Variants in FCRL5 observed in about 807,000 individuals in gnomAD.
FCRL5 encodes Fc receptor-like protein 5.
Under a neutral mutation model 92.1 loss-of-function variants are expected in FCRL5, and 79 were observed. The ratio of observed to expected loss-of-function variants is 0.86; its 90% CI spans 0.72 to 1.03. The LOEUF is 1.03. Ranked by LOEUF, FCRL5 falls within the 50% of genes least tolerant of loss-of-function variation. The pLI, the probability that FCRL5 is intolerant of heterozygous loss-of-function variation, is 0.00. For missense variants in FCRL5, 1,160 were observed against 1,181.1 expected (o/e 0.98, Z 0.26); for synonymous variants, 466 against 469.3 (o/e 0.99, Z 0.09).
intron 7 of FCRL5, 70 bp downstream of exon 7, chr1:157,539,016 A>C: frequency 6.6e-7 from 1 of 1,517,562 alleles, no homozygotes; most frequent in South Asian, 1.2e-5. Context: ...GTACACGCTG[A>C]CTTCTGAAGG....
At chr1:157,529,174 A>T (rs1650573777) in intron 8 of FCRL5, among the ~76,000 whole-genome samples, 1 of 152,212 alleles carries the variant, frequency 6.6e-6, no homozygotes, top group Admixed American at 6.5e-5. Flanking sequence ...TCAAAAGAAG[A>T]TACACAAATT....
In FCRL5 at chr1:157,524,581, A is replaced by G. The variant is rs1292668264; in HGVS notation, c.1961-24T>C. 1.9e-6 allele frequency: 3 copies of G among 1,549,190 alleles called. No individual in the cohort carries two copies. In the South Asian group the frequency reaches 3.7e-5, roughly 19 times the overall value. On this transcript the variant is annotated intron_variant, in intron 9 of 16. Transcript: ENST00000361835. Reference sequence around the variant, plus strand: ...AACTGAGGGAGGAAAAACGTTATGTATCAGCTGCTTCTGCTAAAATATATT... The same window carrying G: ...AACTGAGGGAGGAAAAACGTTATGTGTCAGCTGCTTCTGCTAAAATATATT...
intron 8 of FCRL5, among the ~76,000 whole-genome samples, chr1:157,531,413 T>C (rs1233107996): frequency 6.6e-6 from 1 of 152,166 alleles, no homozygotes; most frequent in Non-Finnish European, 1.5e-5. Flanking sequence ...AGCATGGAAG[T>C]TTCTCAATAA....
At chr1:157,546,858 G>A in intron 3 of FCRL5, 85 bp downstream of exon 3, 1 of 1,502,432 alleles carries the variant, frequency 6.7e-7, no homozygotes, top group Non-Finnish European at 9.0e-7. Context: ...CTCATGAAGG[G>A]TCTGAGGTAA....
intron 10 of FCRL5, chr1:157,522,470 CTT>C (rs1366627052): frequency 6.6e-5 from 10 of 152,226 alleles, no homozygotes; most frequent in Admixed American, 6.5e-4. Context: ...ACCTCAGTCT[CTT>C]TTCCGCAAAT....
At chr1:157,518,285 C>T in intron 15 of FCRL5, 144 bp downstream of exon 15, 1 of 672,952 alleles carries the variant, frequency 1.5e-6, no homozygotes, top group Non-Finnish European at 2.6e-6. Flanking sequence ...CCTGAAGCAG[C>T]ATAGGCACAC....
At position 157,515,352 on chromosome 1, in the gene FCRL5, C is replaced by A; in HGVS notation, c.*323G>T. ...CTCCCTTTGTGTGGTAAGACCCCCT[C>A]TGTGGGGGTGTGATGAGAGCAGTAC... On this transcript the variant is annotated 3_prime_UTR_variant, in exon 17 of 17. Coordinates refer to ENST00000361835, the MANE Select transcript of FCRL5 (RefSeq NM_031281.3). 2.9e-6 allele frequency: 1 copy of A among 350,392 alleles called. No homozygotes were observed. Among genetic ancestry groups the A allele is most frequent in the Non-Finnish European group, 5.4e-6 (1 of 186,374 alleles). The allele number at this position is 350,392 out of a possible 1,614,324, so 21.7% of individuals were successfully genotyped here.
At chr1:157,550,631 T>C (rs1311717450) in intron 1 of FCRL5, among the ~76,000 whole-genome samples, 1 of 152,204 alleles carries the variant, frequency 6.6e-6, no homozygotes, top group African/African-American at 2.4e-5. Flanking sequence ...ACCTAGGACT[T>C]TCCTTATGTT....
Position 157,534,767 on chromosome 1 carries a change from C to A in FCRL5, c.1528G>T (p.Glu510Ter), listed in dbSNP as rs201978439. 4 of 1,613,912 alleles carry A rather than the reference C, an allele frequency of 2.5e-6. No individual in the cohort carries two copies. In the African/African-American group the frequency reaches 5.3e-5, roughly 22 times the overall value. The change falls in exon 8 of 17, where the codon GAG becomes TAG. Residue 510 changes from glutamate to a stop codon, truncating the protein, a stop_gained. Coordinates refer to ENST00000361835, the MANE Select transcript of FCRL5 (RefSeq NM_031281.3). LOFTEE classifies it high-confidence loss of function. ...GAGCTGCTCCACAGGGGCATGTCCT[C>A]ATGATAAAACTGGTATAGGATTTGT... ...SPQILYQFYHEDMPLWSSSTP... is the reference protein window; with the variant it reads ...SPQILYQFYH
At position 157,551,623 on chromosome 1, in the gene FCRL5, A is replaced by G. The variant is rs551883960; in HGVS notation, c.31+709T>C. On this transcript the variant is annotated intron_variant, in intron 1 of 16. Coordinates refer to ENST00000361835, the MANE Select transcript of FCRL5 (RefSeq NM_031281.3). ...AGACGTAGTGTCTCCTATGGACTCT[A>G]ATTGCTCAGCACCTGTGCATAGATA... Among the ~76,000 whole-genome samples the G allele has an allele frequency of 3.3e-5, 5 of 152,360 alleles. No homozygotes were observed. The East Asian group carries it at 9.6e-4, about 29-fold the overall frequency.
At chr1:157,546,525 A>T (rs1409611398) in intron 3 of FCRL5, among the ~76,000 whole-genome samples, 1 of 142,676 alleles carries the variant, frequency 7.0e-6, no homozygotes, top group African/African-American at 2.5e-5. Context: ...AGATTCAGGA[A>T]CCACTCAAAT....
rs1650883715 is a variant in FCRL5, at chr1:157,534,787, A to G, written c.1508T>C (p.Ile503Thr). The change falls in exon 8 of 17, where the codon ATC (isoleucine) becomes ACC (threonine). Residue 503 changes from isoleucine to threonine, a missense_variant. Coordinates refer to ENST00000361835, the MANE Select transcript of FCRL5 (RefSeq NM_031281.3). ...GTCCTCATGATAAAACTGGTATAGG[A>G]TTTGTGGGGAACCTCTCTGGACTTC... Reference protein sequence around the residue: ...HCEVQRGSPQILYQFYHEDMP... With the variant: ...HCEVQRGSPQTLYQFYHEDMP... 3 of 1,613,588 alleles carry G rather than the reference A, an allele frequency of 1.9e-6. No individual in the cohort carries two copies. The highest frequency in any genetic ancestry group is 4.5e-5 in the East Asian group (2 of 44,882).
chr1:157,528,080 C>A (rs1650520450), intron 8 of FCRL5, 185 bp from the exon 9 acceptor site: 4 of 560,430 alleles, frequency 7.1e-6, no homozygotes, highest in Non-Finnish European at 1.1e-5. Flanking sequence ...AAAGACTCAT[C>A]CAAAAAGCTC....
At chr1:157,527,566 G>A (rs189579106) in intron 9 of FCRL5, 51 bp downstream of exon 9, 273 of 1,520,750 alleles carry the variant, frequency 1.8e-4, no homozygotes, top group Non-Finnish European at 2.3e-4. Flanking sequence ...TACTGGTAAA[G>A]TTAGGGGAGA....
intron 6 of FCRL5, among the ~76,000 whole-genome samples, chr1:157,540,385 G>A (rs1042147143): frequency 3.3e-5 from 5 of 152,124 alleles, no homozygotes; most frequent in Non-Finnish European, 5.9e-5. Context: ...GGCTATGGAG[G>A]AGCCCTCCTT....
In FCRL5 at chr1:157,549,739, AATATACATAT is replaced by A. The variant is rs1292066282; in HGVS notation, c.32-169_32-160del. On this transcript the variant is annotated intron_variant, in intron 1 of 16. Coordinates refer to ENST00000361835, the MANE Select transcript of FCRL5 (RefSeq NM_031281.3). The stretch of plus-strand genomic sequence containing the variant: ...CATCAAATGTATATATATACACATA[AATATACATAT>A]ATATACATATATATATGGCATGGTA... Among the ~76,000 whole-genome samples, 11 of 152,078 alleles carry A rather than the reference AATATACATAT, an allele frequency of 7.2e-5. No homozygotes were observed. The East Asian group carries it at 7.7e-4, about 11-fold the overall frequency.
intron 7 of FCRL5, among the ~76,000 whole-genome samples, chr1:157,536,979 T>A (rs1157483197): frequency 6.6e-6 from 1 of 152,184 alleles, no homozygotes; most frequent in Non-Finnish European, 1.5e-5. Flanking sequence ...TTCCTATGCC[T>A]GTCTTTACTT....
intron 8 of FCRL5, chr1:157,532,268 A>G (rs1356719873): frequency 2.6e-5 from 4 of 152,106 alleles, no homozygotes; most frequent in Non-Finnish European, 5.9e-5. Context: ...GCGCCACCCA[A>G]AGAATTCACT....
In FCRL5 at chr1:157,515,617, C is replaced by T; in HGVS notation, c.*58G>A. 4.3e-6 allele frequency: 7 copies of T among 1,613,996 alleles called. No homozygotes were observed. Among genetic ancestry groups the T allele is most frequent in the Non-Finnish European group, 5.9e-6 (7 of 1,180,022 alleles). ...TCTTCCCACTTCAATGCTGCTTCTC[C>T]CCCAAGGGGAACTTTGGGGTGCAGA... On this transcript the variant is annotated 3_prime_UTR_variant, in exon 17 of 17. Coordinates refer to ENST00000361835, the MANE Select transcript of FCRL5 (RefSeq NM_031281.3).
Sources: allele counts gnomAD v4.1 joint callset (sites outside exome capture counted in the v4.1 genomes callset), GRCh38; gene constraint gnomAD v4.1.1; transcripts MANE v1.5; gene names NCBI Gene and HGNC (gene_info 2026-07-23, HGNC 2026-07-21).